The following DNAH14 variants were observed in gnomAD, a reference collection of about 807,000 sequenced individuals.
The protein encoded by DNAH14 is axonemal beta dynein heavy chain 14.
Under a neutral mutation model 520.9 loss-of-function variants are expected in DNAH14, and 478 were observed. The ratio of observed to expected loss-of-function variants is 0.92; its 90% CI spans 0.85 to 0.99. DNAH14 has a LOEUF of 0.99. Among genes scored for constraint, DNAH14 ranks in the 50% least tolerant of loss-of-function variants. DNAH14 has a pLI of 0.00. For missense variants in DNAH14, 4,831 were observed against 5,234.5 expected, an observed-to-expected ratio of 0.92 and a Z score of 2.38; for synonymous variants, 1,581 against 1,757.2, an observed-to-expected ratio of 0.90 and a Z score of 2.51.
intron 7 of DNAH14, among the ~76,000 whole-genome samples, chr1:224,971,883 A>T (rs16858962): frequency 0.055 from 8,385 of 152,236 alleles, 470 homozygotes; most frequent in East Asian, 0.24. Context: ...CTCGTCAAAG[A>T]TAGGTGATAG....
At chr1:224,996,018 C>A (rs926501444) in intron 8 of DNAH14, among the ~76,000 whole-genome samples, 1 of 152,030 alleles carries the variant, frequency 6.6e-6, no homozygotes. Flanking sequence ...TATTTGTCTG[C>A]TATTTAATAG....
intron 1 of DNAH14, among the ~76,000 whole-genome samples, chr1:224,946,369 C>T (rs375992600): frequency 2.0e-5 from 3 of 152,098 alleles, no homozygotes; most frequent in Non-Finnish European, 2.9e-5. Context: ...GGGAGTGACC[C>T]GATTTTCCAG....
intron 1 of DNAH14, among the ~76,000 whole-genome samples, chr1:224,944,279 TGGTTTAAA>T (rs920503166): frequency 4.6e-5 from 7 of 152,232 alleles, no homozygotes; most frequent in African/African-American, 1.7e-4. Flanking sequence ...TGATCTTTGT[TGGTTTAAA>T]GTCTATTTTA....
chr1:225,243,024 T>C (rs1229975189), intron 43 of DNAH14, among the ~76,000 whole-genome samples: 1 of 152,212 alleles, frequency 6.6e-6, no homozygotes, highest in African/African-American at 2.4e-5. Context: ...AAAGATTCTA[T>C]GTTATTTCCT....
chr1:225,340,878 C>T (rs2095164184), intron 69 of DNAH14, among the ~76,000 whole-genome samples, 177 bp downstream of exon 69: 1 of 152,040 alleles, frequency 6.6e-6, no homozygotes, highest in African/African-American at 2.4e-5. Flanking sequence ...TTTTGGTGTC[C>T]CTCAGTTCCA....
chr1:225,087,984 A>T (rs1349387397), intron 21 of DNAH14, among the ~76,000 whole-genome samples: 1 of 152,216 alleles, frequency 6.6e-6, no homozygotes, highest in African/African-American at 2.4e-5. Flanking sequence ...AATATGGAAT[A>T]ACCAGTCCTG....
At chr1:225,359,058 T>A (rs1165885599) in intron 74 of DNAH14, among the ~76,000 whole-genome samples, 1 of 152,210 alleles carries the variant, frequency 6.6e-6, no homozygotes, top group African/African-American at 2.4e-5. Flanking sequence ...AACAGACTAA[T>A]ACAATGATGA....
chr1:225,150,527 T>C (rs1340796223), intron 31 of DNAH14, among the ~76,000 whole-genome samples: 1 of 152,218 alleles, frequency 6.6e-6, no homozygotes, highest in Non-Finnish European at 1.5e-5. Flanking sequence ...TGTTCGATCC[T>C]GGGCCTTTTT....
chr1:225,194,757 A>C (rs2085912770), intron 38 of DNAH14, among the ~76,000 whole-genome samples: 1 of 152,178 alleles, frequency 6.6e-6, no homozygotes, highest in Non-Finnish European at 1.5e-5. Flanking sequence ...AAATATTTGC[A>C]AACTGTGTAT....
chr1:225,305,799 G>A (rs778889312), intron 58 of DNAH14, among the ~76,000 whole-genome samples: 5 of 152,154 alleles, frequency 3.3e-5, no homozygotes, highest in Admixed American at 1.3e-4. Flanking sequence ...AACCTGTCAC[G>A]TATCCAGCTA....
At chr1:225,196,608 G>T (rs1193566493) in intron 38 of DNAH14, among the ~76,000 whole-genome samples, 1 of 152,130 alleles carries the variant, frequency 6.6e-6, no homozygotes, top group Non-Finnish European at 1.5e-5. Flanking sequence ...TTCCACAGTG[G>T]TTGTACTAGT....
chr1:224,971,405 A>G (rs376342571), intron 7 of DNAH14, among the ~76,000 whole-genome samples: 25 of 152,314 alleles, frequency 1.6e-4, no homozygotes, highest in African/African-American at 5.5e-4. Context: ...CAGAGAAATT[A>G]ATTATTGAAT....
intron 8 of DNAH14, among the ~76,000 whole-genome samples, chr1:224,984,026 G>C (rs1234876959): frequency 1.3e-5 from 2 of 152,108 alleles, no homozygotes; most frequent in Non-Finnish European, 2.9e-5. Flanking sequence ...ATTCTTCACA[G>C]AGTTAGGAAA....
chr1:225,355,872 A>G (rs2095423576), intron 73 of DNAH14, among the ~76,000 whole-genome samples: 1 of 152,170 alleles, frequency 6.6e-6, no homozygotes. Flanking sequence ...TTAAATAGAA[A>G]TTCTGTACCT....
chr1:225,368,989 T>C (rs186550675), intron 77 of DNAH14, among the ~76,000 whole-genome samples: 3 of 152,334 alleles, frequency 2.0e-5, no homozygotes, highest in Non-Finnish European at 4.4e-5. Flanking sequence ...AAAAGGCAGA[T>C]AATATATTAG....
At chr1:224,990,231 G>T (rs2062943666) in intron 8 of DNAH14, among the ~76,000 whole-genome samples, 1 of 152,072 alleles carries the variant, frequency 6.6e-6, no homozygotes, top group Non-Finnish European at 1.5e-5. Flanking sequence ...GATACACAAT[G>T]ATGTTAAAGT....
chr1:225,274,360 G>A (rs1056940980), intron 52 of DNAH14, among the ~76,000 whole-genome samples: 4 of 151,818 alleles, frequency 2.6e-5, no homozygotes, highest in South Asian at 2.1e-4. Context: ...GCCCGCCACT[G>A]CGCCCGGCTA....
intron 56 of DNAH14, among the ~76,000 whole-genome samples, chr1:225,302,045 T>C (rs564962381): frequency 1.3e-5 from 2 of 149,262 alleles, no homozygotes; most frequent in South Asian, 4.2e-4. Flanking sequence ...CTCCAGAAAA[T>C]AAATAAATAA....
At chr1:225,310,220 A>G (rs2094334915) in intron 60 of DNAH14, among the ~76,000 whole-genome samples, 3 of 151,914 alleles carry the variant, frequency 2.0e-5, no homozygotes, top group South Asian at 4.2e-4. Context: ...ACCACAAAGG[A>G]TAATCTTTTT....
Sources: allele counts gnomAD v4.1 joint callset (sites outside exome capture counted in the v4.1 genomes callset), GRCh38; gene constraint gnomAD v4.1.1; transcripts MANE v1.5; gene names NCBI Gene and HGNC (gene_info 2026-07-23, HGNC 2026-07-21).